ZNF345: variants seen among roughly 807,000 people sequenced by gnomAD.
ZNF345 encodes zinc finger protein 345, also known as zinc finger protein HZF10.
For missense variants in ZNF345, 527 were observed against 589.9 expected (o/e 0.89, Z 1.10); for synonymous variants, 166 against 187.9 (o/e 0.88, Z 0.95).
downstream of ZNF345, among the ~76,000 whole-genome samples, chr19:36,880,023 T>C (rs968490584): frequency 4.6e-5 from 7 of 152,202 alleles, no homozygotes; most frequent in Non-Finnish European, 1.0e-4. Context: ...ATTGACATTC[T>C]TTCCTTGTTG....
chr19:36,889,475 T>G (rs1309894902), intron 3 of ZNF345: 2 of 152,212 alleles, frequency 1.3e-5, no homozygotes, highest in Non-Finnish European at 2.9e-5. Flanking sequence ...ATTTCAATAC[T>G]CAGTAGTCTG....
intron 2 of ZNF345, among the ~76,000 whole-genome samples, chr19:36,854,962 C>T (rs1346104489): frequency 6.6e-6 from 1 of 151,406 alleles, no homozygotes; most frequent in Non-Finnish European, 1.5e-5. Flanking sequence ...TGCCATTCTC[C>T]TGCCTCAGCC....
At chr19:36,860,385 C>A (rs1304288749) in intron 2 of ZNF345, among the ~76,000 whole-genome samples, 2 of 152,116 alleles carry the variant, frequency 1.3e-5, no homozygotes, top group East Asian at 3.9e-4. Context: ...TTTGATTCAT[C>A]CCAGTAATGT....
At chr19:36,858,166 C>T (rs769896271) in intron 2 of ZNF345, 6 of 152,216 alleles carry the variant, frequency 3.9e-5, no homozygotes, top group Non-Finnish European at 8.8e-5. Flanking sequence ...ATGGCCTGAG[C>T]ATCGCCATTT....
intron 2 of ZNF345, among the ~76,000 whole-genome samples, chr19:36,861,578 T>C (rs1434682295): frequency 6.6e-6 from 1 of 152,200 alleles, no homozygotes; most frequent in Non-Finnish European, 1.5e-5. Flanking sequence ...TTATTTATTT[T>C]TGAGACGGAG....
At chr19:36,854,188 C>A (rs778370004) in intron 2 of ZNF345, among the ~76,000 whole-genome samples, 9 of 151,070 alleles carry the variant, frequency 6.0e-5, no homozygotes, top group Non-Finnish European at 1.5e-5. Flanking sequence ...GGAATCTGAG[C>A]AGTTCAGATA....
chr19:36,880,459 A>C (rs1316575807), downstream of ZNF345, among the ~76,000 whole-genome samples: 4 of 152,216 alleles, frequency 2.6e-5, no homozygotes. Flanking sequence ...AAATCCAAAT[A>C]TTAATTCAGT....
chr19:36,854,627 C>A (rs879800932), intron 2 of ZNF345: 1 of 152,130 alleles, frequency 6.6e-6, no homozygotes, highest in Non-Finnish European at 1.5e-5. Flanking sequence ...TCCTCCCACT[C>A]CTATCTTCTC....
intron 1 of ZNF345, 50 bp from the exon 2 acceptor site, chr19:36,851,780 C>T (rs950946092): frequency 6.6e-6 from 1 of 152,298 alleles, no homozygotes; most frequent in African/African-American, 2.4e-5. Flanking sequence ...GTCAAACCAA[C>T]TCCCTCTCAG....
intron 2 of ZNF345, among the ~76,000 whole-genome samples, chr19:36,868,209 G>A (rs1428148227): frequency 6.6e-6 from 1 of 152,030 alleles, no homozygotes; most frequent in South Asian, 2.1e-4. Flanking sequence ...TTACCACATT[G>A]GCCAAGCTAG....
intron 2 of ZNF345, among the ~76,000 whole-genome samples, chr19:36,856,310 C>T (rs2072417897): frequency 6.6e-6 from 1 of 152,010 alleles, no homozygotes; most frequent in Admixed American, 6.6e-5. Flanking sequence ...ATTTGTTTTG[C>T]TTTGATTTGG....
intron 2 of ZNF345, among the ~76,000 whole-genome samples, chr19:36,855,894 A>G (rs1376893024): frequency 6.6e-6 from 1 of 152,212 alleles, no homozygotes; most frequent in African/African-American, 2.4e-5. Context: ...GAAAAAAGTC[A>G]TCTCAGATTA....
intron 3 of ZNF345, chr19:36,891,621 A>G (rs2073053039): frequency 1.2e-6 from 2 of 1,612,728 alleles, no homozygotes; most frequent in South Asian, 1.1e-5. Flanking sequence ...TTGAGCCTTT[A>G]TTAAAGGCCT....
intron 2 of ZNF345, among the ~76,000 whole-genome samples, chr19:36,865,529 C>T (rs551906887): frequency 3.9e-5 from 6 of 152,066 alleles, no homozygotes; most frequent in Non-Finnish European, 5.9e-5. Context: ...AGTTCGATCT[C>T]GGCTCACTGC....
At chr19:36,858,649 C>T (rs2072476873) in intron 2 of ZNF345, among the ~76,000 whole-genome samples, 1 of 152,132 alleles carries the variant, frequency 6.6e-6, no homozygotes, top group Non-Finnish European at 1.5e-5. Context: ...CACCTGTAGT[C>T]CCAGCTACTC....
At position 36,877,626 on chromosome 19, in the gene ZNF345, G is replaced by A. The variant is rs368732049; in HGVS notation, c.796G>A (p.Ala266Thr). Residue 266 changes from alanine (A) to threonine (T), a missense_variant, in exon 3 of 3, where the codon GCC becomes ACC. Coordinates refer to ENST00000420450, the MANE Select transcript of ZNF345 (RefSeq NM_001242472.2). ...KPYICNECGK[A>T]FSFGSALTRH... Reference sequence around the variant, plus strand: ...ATATATATGTAATGAATGTGGTAAGGCCTTTAGTTTTGGATCAGCCCTTAC... The same window carrying A: ...ATATATATGTAATGAATGTGGTAAGACCTTTAGTTTTGGATCAGCCCTTAC... The A allele has an allele frequency of 1.5e-4, 247 of 1,613,862 alleles. 1 individual carries two copies. Among genetic ancestry groups the A allele is most frequent in the Non-Finnish European group, 2.0e-4 (240 of 1,179,998 alleles).
At chr19:36,850,761 G>C (rs1038530383), upstream of ZNF345, 12 of 152,290 alleles carry the variant, frequency 7.9e-5, no homozygotes, top group Non-Finnish European at 2.9e-5. Context: ...TGGCTGGGCT[G>C]TAGCTTTCGG....
In ZNF345 at chr19:36,855,337, G is replaced by A. The variant is rs536985651; in HGVS notation, c.-47+3433G>A. Among the ~76,000 whole-genome samples, 3 of 149,784 alleles carry A rather than the reference G, an allele frequency of 2.0e-5. No individual in the cohort carries two copies. In the Admixed American group the frequency reaches 2.0e-4, roughly 10 times the overall value. On this transcript the variant is annotated intron_variant, in intron 2 of 2. Coordinates refer to ENST00000420450, the MANE Select transcript of ZNF345 (RefSeq NM_001242472.2). ...TTTTGTTTTTTGTATTTTTAGTAGAGACGGGGTTTCACGGTGTTGCCAGGA... is the reference window on the plus strand; with the variant it reads ...TTTTGTTTTTTGTATTTTTAGTAGAAACGGGGTTTCACGGTGTTGCCAGGA...
At chr19:36,862,663 CAAAA>C (rs753670661) in intron 2 of ZNF345, among the ~76,000 whole-genome samples, 51 of 39,946 alleles carry the variant, frequency 1.3e-3, no homozygotes, top group African/African-American at 3.8e-3. Context: ...GACCCAGTCT[CAAAA>C]AAAAAAAAAA....
Sources: gnomAD v4.1 joint callset for allele counts (sites outside exome capture counted in the v4.1 genomes callset) on GRCh38, gnomAD v4.1.1 for gene constraint, MANE v1.5 for transcripts, NCBI Gene and HGNC (gene_info 2026-07-23, HGNC 2026-07-21) for gene names.